The following XRCC6 variants were observed in gnomAD, a reference collection of about 807,000 sequenced individuals.
XRCC6 encodes X-ray repair cross complementing 6.
In XRCC6, 5 loss-of-function variants were observed where a neutral mutation model predicts 65.7. That is an observed-to-expected ratio of 0.08 (90% confidence interval 0.04 to 0.16). XRCC6 has a LOEUF of 0.16. Ranked by LOEUF, XRCC6 falls within the 10% of genes least tolerant of loss-of-function variation. The pLI is 1.00. For missense variants in XRCC6, 447 were observed against 738.1 expected, an observed-to-expected ratio of 0.61 and a Z score of 4.57; for synonymous variants, 270 against 270.6, an observed-to-expected ratio of 1.00 and a Z score of 0.02.
At chr22:41,652,565 T>C (rs1245468035) in intron 8 of XRCC6, among the ~76,000 whole-genome samples, 2 of 152,054 alleles carry the variant, frequency 1.3e-5, no homozygotes, top group African/African-American at 4.8e-5. Context: ...AGGGTTTTGC[T>C]ATGTTGGGCA....
At position 41,621,320 on chromosome 22, in the gene XRCC6, A is replaced by C. The variant is rs11557350; in HGVS notation, c.-41A>C. On this transcript the variant is annotated 5_prime_UTR_variant, in exon 1 of 13. Transcript: ENST00000360079. ...ATGCGTGGATTGTCGTCTTCTGTCCAAGTTGGTCGCTTCCCTGCGCCAAAG... is the reference window on the plus strand; with the variant it reads ...ATGCGTGGATTGTCGTCTTCTGTCCCAGTTGGTCGCTTCCCTGCGCCAAAG... 2 of 183,676 alleles carry C rather than the reference A, an allele frequency of 1.1e-5. No individual in the cohort carries two copies. The highest frequency in any genetic ancestry group is 6.0e-5 in the Admixed American group (1 of 16,778). 11.4% of individuals were successfully genotyped at this position (183,676 alleles called of 1,614,324 possible). A position where few individuals can be genotyped will look rare whatever the true frequency, so the allele number is the denominator to read the frequency against.
intron 7 of XRCC6, among the ~76,000 whole-genome samples, chr22:41,649,342 AT>A (rs895234704): frequency 2.7e-3 from 375 of 139,226 alleles, no homozygotes; most frequent in Non-Finnish European, 3.2e-3. Flanking sequence ...AATTTTTTGT[AT>A]TTTTTTTTTT....
intron 7 of XRCC6, among the ~76,000 whole-genome samples, chr22:41,649,930 G>C (rs1433807741): frequency 6.6e-6 from 1 of 152,066 alleles, no homozygotes; most frequent in East Asian, 1.9e-4. Context: ...TAGTCAGGAG[G>C]CTGATGCAGG....
rs1248100791 is a variant in XRCC6, at chr22:41,663,965, A to G, written c.*150A>G. The G allele has an allele frequency of 1.2e-6, 1 of 833,428 alleles. No homozygotes were observed. The highest frequency in any genetic ancestry group is 1.8e-5 in the South Asian group (1 of 54,696). The allele number at this position is 833,428 out of a possible 1,614,324, so 51.6% of individuals were successfully genotyped here. A position where few individuals can be genotyped will look rare whatever the true frequency, so the allele number is the denominator to read the frequency against. ...TATGTTTTTGAGGCTTTCTGTTGCCATGGTGATGGTGTAGCCCTCCCACTT... is the reference window on the plus strand; with the variant it reads ...TATGTTTTTGAGGCTTTCTGTTGCCGTGGTGATGGTGTAGCCCTCCCACTT... On this transcript the variant is annotated 3_prime_UTR_variant, in exon 13 of 13. Transcript: ENST00000360079.
intron 9 of XRCC6, among the ~76,000 whole-genome samples, chr22:41,656,542 CATTAAAT>C (rs2068046699): frequency 1.3e-5 from 2 of 151,096 alleles, no homozygotes; most frequent in African/African-American, 2.5e-5. Flanking sequence ...TGGAAAAAAA[CATTAAAT>C]ATTAAATTTA....
Position 41,661,316 on chromosome 22 carries a change from G to GT in XRCC6, c.1523-11dup, listed in dbSNP as rs1569099952. On this transcript the variant is annotated splice_polypyrimidine_tract_variant and intron_variant, in intron 11 of 12. Coordinates refer to ENST00000360079, the MANE Select transcript of XRCC6 (RefSeq NM_001469.5). Reference sequence around the variant, plus strand: ...GTGACTCACCAGGCCACTCTTCTGTGTTTTGATTTTCTAGTGCCCAAGGTT... The same window carrying GT: ...GTGACTCACCAGGCCACTCTTCTGTGTTTTTGATTTTCTAGTGCCCAAGGTT... 1 of 1,610,190 alleles carries GT rather than the reference G, an allele frequency of 6.2e-7. No individual in the cohort carries two copies.
At chr22:41,640,560 A>G (rs1254351522) in intron 6 of XRCC6, among the ~76,000 whole-genome samples, 1 of 152,158 alleles carries the variant, frequency 6.6e-6, no homozygotes, top group East Asian at 1.9e-4. Context: ...TGGTTTCCTC[A>G]GTATAGGGGT....
intron 6 of XRCC6, among the ~76,000 whole-genome samples, chr22:41,645,701 T>C (rs1405815375): frequency 3.3e-5 from 5 of 149,574 alleles, no homozygotes; most frequent in East Asian, 3.9e-4. Context: ...CTTTCTTCTT[T>C]TTTTTTTTTT....
intron 8 of XRCC6, among the ~76,000 whole-genome samples, chr22:41,652,740 C>T (rs2068012846): frequency 6.6e-6 from 1 of 152,072 alleles, no homozygotes; most frequent in Admixed American, 6.6e-5. Context: ...GTGGCAATGT[C>T]TCTGCTCTCT....
In XRCC6 at chr22:41,653,514, C is replaced by T. The variant is rs1396172533; in HGVS notation, c.1130-15C>T. On this transcript the variant is annotated splice_polypyrimidine_tract_variant and intron_variant, in intron 8 of 12. Coordinates refer to ENST00000360079, the MANE Select transcript of XRCC6 (RefSeq NM_001469.5). ...CCTTTTTAGGAGGCTAGTCACTGGG[C>T]TTTTTGTTTTCTAGGGAGCTCAACC... 2 of 1,559,014 alleles carry T rather than the reference C, an allele frequency of 1.3e-6. No individual in the cohort carries two copies. Among genetic ancestry groups the T allele is most frequent in the African/African-American group, 1.4e-5 (1 of 73,688 alleles).
chr22:41,657,823 T>G (rs900158953), intron 10 of XRCC6, among the ~76,000 whole-genome samples: 7 of 151,930 alleles, frequency 4.6e-5, no homozygotes, highest in Non-Finnish European at 1.0e-4. Flanking sequence ...CCAGGCTGGT[T>G]TGCTTTCTAA....
intron 3 of XRCC6, among the ~76,000 whole-genome samples, chr22:41,633,482 T>C (rs2067778074): frequency 6.6e-6 from 1 of 151,858 alleles, no homozygotes; most frequent in Non-Finnish European, 1.5e-5. Flanking sequence ...GTTCACACCA[T>C]TCTCCTGCCT....
chr22:41,649,126 C>CAAAAAAAAAA (rs1335320703), intron 7 of XRCC6, among the ~76,000 whole-genome samples: 10 of 90,234 alleles, frequency 1.1e-4, no homozygotes, highest in African/African-American at 2.8e-4. Flanking sequence ...GAAGAGAGTA[C>CAAAAAAAAAA]AAAAAAAAAA....
rs1433818301 is a variant in XRCC6, at chr22:41,631,765, GC to G, written c.195+3537del. Reference sequence around the variant, plus strand: ...GGCTGCACTCTGGGCACTTTGGGAGGCCAAGGCAGGCGGCTGGGAGGTGGAG... The same window carrying G: ...GGCTGCACTCTGGGCACTTTGGGAGGCAAGGCAGGCGGCTGGGAGGTGGAG... On this transcript the variant is annotated intron_variant, in intron 3 of 12. Transcript: ENST00000360079. 2.6e-5 allele frequency among the ~76,000 whole-genome samples: 4 copies of G among 152,086 alleles called. No homozygotes were observed. The East Asian group carries it at 7.7e-4, about 29-fold the overall frequency.
chr22:41,652,411 G>A lies in XRCC6; in HGVS notation c.1130-1118G>A, dbSNP rs1376331459. Among the ~76,000 whole-genome samples the A allele has an allele frequency of 2.0e-5, 3 of 151,306 alleles. No homozygotes were observed. In the East Asian group the frequency reaches 5.8e-4, roughly 29 times the overall value. On this transcript the variant is annotated intron_variant, in intron 8 of 12. Transcript: ENST00000360079. ...GACAGTGTCTCACTCTGTCACCCAG[G>A]CTAGAGTCCAGTGGCACCATCTTGG...
intron 11 of XRCC6, 78 bp downstream of exon 11, chr22:41,658,430 C>A: frequency 7.4e-7 from 1 of 1,349,208 alleles, no homozygotes; most frequent in Non-Finnish European, 1.1e-6. Flanking sequence ...AATTTGGGTG[C>A]ATTTCCCAGT....
chr22:41,653,659 G>A lies in XRCC6; in HGVS notation c.1260G>A (p.Leu420=). Reference sequence around the variant, plus strand: ...CTTTGGTGCCACAGGAAGAAGAGTTGGATGACCAGAAAATTCAGGTGACTC... The same window carrying A: ...CTTTGGTGCCACAGGAAGAAGAGTTAGATGACCAGAAAATTCAGGTGACTC... ...FVALVPQEEE[L]DDQKIQVTPP... is the part of the protein sequence containing the mutation. Residue 420 remains leucine (L), a synonymous_variant, in exon 9 of 13, where the codon TTG becomes TTA. Coordinates refer to ENST00000360079, the MANE Select transcript of XRCC6 (RefSeq NM_001469.5). 3.1e-6 allele frequency: 5 copies of A among 1,614,054 alleles called. No homozygotes were observed. Among genetic ancestry groups the A allele is most frequent in the Non-Finnish European group, 4.2e-6 (5 of 1,179,970 alleles).
intron 7 of XRCC6, among the ~76,000 whole-genome samples, chr22:41,648,900 C>G (rs181312061): frequency 3.3e-5 from 5 of 151,790 alleles, no homozygotes; most frequent in Admixed American, 3.3e-4. Flanking sequence ...TTCTTTTGTT[C>G]ATAAAACCCA....
chr22:41,625,915 T>A (rs2067664922), intron 2 of XRCC6, among the ~76,000 whole-genome samples: 1 of 152,058 alleles, frequency 6.6e-6, no homozygotes, highest in Non-Finnish European at 1.5e-5. Flanking sequence ...CTCGGCTCGC[T>A]GCAATCTCTG....
Sources: allele counts gnomAD v4.1 joint callset (sites outside exome capture counted in the v4.1 genomes callset), GRCh38; gene constraint gnomAD v4.1.1; transcripts MANE v1.5; gene names NCBI Gene and HGNC (gene_info 2026-07-23, HGNC 2026-07-21).